The following CCDC126 variants were observed in gnomAD, a reference collection of about 807,000 sequenced individuals.
CCDC126 encodes coiled-coil domain containing 126, also known as coiled-coil domain-containing protein 126.
A neutral mutation model predicts 11.7 loss-of-function variants in CCDC126; 5 were observed. That is an observed-to-expected ratio of 0.43 (90% CI 0.22 to 0.90). The LOEUF (loss-of-function observed/expected upper bound fraction) is 0.90, where lower values mean the gene tolerates loss of function less well. CCDC126 is among the 40% of genes least tolerant of loss of function. The pLI is 0.27. For missense variants in CCDC126, 150 were observed against 163.1 expected (o/e 0.92, Z 0.44); for synonymous variants, 60 against 61.9 (o/e 0.97, Z 0.14).
intron 3 of CCDC126, among the ~76,000 whole-genome samples, chr7:23,628,153 G>A (rs1783046150): frequency 6.6e-6 from 1 of 151,984 alleles, no homozygotes; most frequent in Non-Finnish European, 1.5e-5. Context: ...CTCACACCGG[G>A]GACTTCTAGG....
Position 23,600,399 on chromosome 7 carries a change from A to G in CCDC126, c.-146+2348A>G, listed in dbSNP as rs139750550. On this transcript the variant is annotated intron_variant, in intron 2 of 3. Transcript: ENST00000307471. ...ACCCCCCCCCCCCCACCACCATATT[A>G]GCCTCAGGCAGTGTTACATAGAGAA... Among the ~76,000 whole-genome samples the G allele has an allele frequency of 6.3e-5, 7 of 111,722 alleles. No homozygotes were observed. In the East Asian group the frequency reaches 2.2e-3, roughly 35 times the overall value. The allele number at this position is 111,722 out of a possible 152,430, so 73.3% of individuals were successfully genotyped here.
At chr7:23,600,965 A>AG (rs1173401935) in intron 2 of CCDC126, among the ~76,000 whole-genome samples, 1 of 151,870 alleles carries the variant, frequency 6.6e-6, no homozygotes, top group Non-Finnish European at 1.5e-5. Context: ...AGTCAGTCCT[A>AG]GCTACTAGGG....
chr7:23,634,670 TG>T (rs1783176024), intron 3 of CCDC126, among the ~76,000 whole-genome samples: 1 of 152,200 alleles, frequency 6.6e-6, no homozygotes, highest in African/African-American at 2.4e-5. Context: ...GGCTTCTGCC[TG>T]GGTTCAGCCA....
intron 2 of CCDC126, among the ~76,000 whole-genome samples, chr7:23,605,737 C>T (rs1336047650): frequency 6.6e-6 from 1 of 152,070 alleles, no homozygotes; most frequent in Non-Finnish European, 1.5e-5. Context: ...GGGTTGTTTC[C>T]ACCTTTTGGC....
intron 2 of CCDC126, among the ~76,000 whole-genome samples, chr7:23,601,053 A>C (rs1351569433): frequency 6.9e-6 from 1 of 144,920 alleles, no homozygotes; most frequent in Non-Finnish European, 1.5e-5. Context: ...CATATCAATA[A>C]TTAAAAAAAA....
At chr7:23,623,388 G>A (rs1254590645) in intron 3 of CCDC126, among the ~76,000 whole-genome samples, 1 of 152,062 alleles carries the variant, frequency 6.6e-6, no homozygotes, top group East Asian at 1.9e-4. Context: ...CCTGAGGTCA[G>A]GAGTTTGAGA....
chr7:23,637,997 C>A (rs1245760914), intron 3 of CCDC126, among the ~76,000 whole-genome samples: 1 of 132,148 alleles, frequency 7.6e-6, no homozygotes, highest in Non-Finnish European at 1.7e-5. Flanking sequence ...GCCAGCCGCC[C>A]TATCCAGGAG....
chr7:23,630,718 CAAAAAAAAAAAAA>C (rs775279967), intron 3 of CCDC126, among the ~76,000 whole-genome samples: 3 of 25,526 alleles, frequency 1.2e-4, no homozygotes, highest in Non-Finnish European at 2.1e-4. Flanking sequence ...GACCCTATCT[CAAAAAAAAAAAAA>C]AAAAAAAAAA....
chr7:23,613,331 A>C (rs1253778121), intron 3 of CCDC126, among the ~76,000 whole-genome samples: 2 of 152,092 alleles, frequency 1.3e-5, no homozygotes, highest in Non-Finnish European at 2.9e-5. Context: ...AAAGTGGTAC[A>C]TGCATGTATT....
chr7:23,641,135 A>G (rs989901108), intron 3 of CCDC126, among the ~76,000 whole-genome samples: 2 of 151,572 alleles, frequency 1.3e-5, no homozygotes, highest in Admixed American at 6.6e-5. Flanking sequence ...CCACTAATGT[A>G]TGAGGGTTTC....
At chr7:23,632,546 T>C (rs1040319184) in intron 3 of CCDC126, among the ~76,000 whole-genome samples, 9 of 152,216 alleles carry the variant, frequency 5.9e-5, no homozygotes, top group African/African-American at 2.2e-4. Context: ...GATAGAAATA[T>C]TCTGCGTCTT....
intron 2 of CCDC126, among the ~76,000 whole-genome samples, chr7:23,599,291 G>T (rs1297463591): frequency 6.6e-6 from 1 of 152,038 alleles, no homozygotes; most frequent in Non-Finnish European, 1.5e-5. Flanking sequence ...TTATTTTCAT[G>T]ACTTCTCCTT....
intron 3 of CCDC126, among the ~76,000 whole-genome samples, chr7:23,620,675 T>G (rs1023143977): frequency 5.3e-5 from 8 of 152,100 alleles, no homozygotes; most frequent in African/African-American, 2.4e-5. Context: ...CTGAATGGTA[T>G]TGCCTAGGTT....
At chr7:23,599,448 T>C (rs895845900) in intron 2 of CCDC126, among the ~76,000 whole-genome samples, 9 of 152,094 alleles carry the variant, frequency 5.9e-5, no homozygotes, top group African/African-American at 2.2e-4. Flanking sequence ...AGCTCTGTGA[T>C]TGAAGTATCT....
At chr7:23,606,658 T>C (rs529754583) in intron 2 of CCDC126, among the ~76,000 whole-genome samples, 8 of 152,320 alleles carry the variant, frequency 5.3e-5, no homozygotes, top group African/African-American at 1.9e-4. Flanking sequence ...TTTTGTGCCA[T>C]ATAGACTAAT....
At chr7:23,627,535 C>T (rs1185531827) in intron 3 of CCDC126, among the ~76,000 whole-genome samples, 3 of 151,560 alleles carry the variant, frequency 2.0e-5, no homozygotes, top group Admixed American at 6.6e-5. Context: ...CCACTGCACT[C>T]CAGCCTGGGT....
intron 3 of CCDC126, among the ~76,000 whole-genome samples, chr7:23,639,291 A>G (rs931544759): frequency 4.0e-5 from 6 of 150,782 alleles, no homozygotes; most frequent in Admixed American, 1.3e-4. Context: ...TCCCAAGTTC[A>G]AGCAGTTCTT....
intron 3 of CCDC126, chr7:23,619,513 G>T: frequency 2.9e-6 from 1 of 340,936 alleles, no homozygotes. Flanking sequence ...CCAATGTAAT[G>T]CACAGCTGGG....
At chr7:23,637,795 CGGGGA>C (rs1424443952) in intron 3 of CCDC126, among the ~76,000 whole-genome samples, 316 of 41,208 alleles carry the variant, frequency 7.7e-3, no homozygotes, top group African/African-American at 9.7e-3. Flanking sequence ...GGGAGGGAGG[CGGGGA>C]GGGGGGGGTC....
Sources: gnomAD v4.1 joint callset for allele counts (sites outside exome capture counted in the v4.1 genomes callset) on GRCh38, gnomAD v4.1.1 for gene constraint, MANE v1.5 for transcripts, NCBI Gene and HGNC (gene_info 2026-07-23, HGNC 2026-07-21) for gene names.